The following SMYD3 variants were observed in gnomAD, a reference collection of about 807,000 sequenced individuals.
SMYD3 encodes SET and MYND domain containing 3, also known as histone-lysine N-methyltransferase SMYD3.
SMYD3 carries 36 observed loss-of-function variants against 57.7 expected under a neutral mutation model. That is an observed-to-expected ratio of 0.62 (90% CI 0.48 to 0.82). The LOEUF (loss-of-function observed/expected upper bound fraction) is 0.82, where lower values mean the gene tolerates loss of function less well. SMYD3 is among the 40% of genes least tolerant of loss of function. The pLI, the probability that SMYD3 is intolerant of heterozygous loss-of-function variation, is 0.00. For missense variants in SMYD3, 515 were observed against 538.8 expected (o/e 0.96, Z 0.44); for synonymous variants, 211 against 195.0 (o/e 1.08, Z -0.68).
intron 10 of SMYD3, among the ~76,000 whole-genome samples, chr1:245,853,348 TAAC>T (rs2051072046): frequency 6.6e-6 from 1 of 152,182 alleles, no homozygotes; most frequent in Non-Finnish European, 1.5e-5. Context: ...GAGAGCAAGC[TAAC>T]AACATCTGAG....
At chr1:246,285,011 G>C (rs1014541784) in intron 5 of SMYD3, among the ~76,000 whole-genome samples, 4 of 149,732 alleles carry the variant, frequency 2.7e-5, no homozygotes, top group Non-Finnish European at 5.9e-5. Context: ...GTGGTATTTG[G>C]TTACATGAGT....
intron 1 of SMYD3, among the ~76,000 whole-genome samples, chr1:246,476,472 T>G (rs569583021): frequency 6.6e-6 from 1 of 152,314 alleles, no homozygotes; most frequent in East Asian, 1.9e-4. Context: ...TCCAAAATCA[T>G]TTAGTTACAC....
intron 5 of SMYD3, among the ~76,000 whole-genome samples, chr1:246,074,035 C>G (rs540628095): frequency 6.6e-6 from 1 of 152,292 alleles, no homozygotes; most frequent in Admixed American, 6.5e-5. Flanking sequence ...AACTTGCAAA[C>G]TTTCTTAAAA....
intron 5 of SMYD3, among the ~76,000 whole-genome samples, chr1:246,143,024 C>T (rs1441172450): frequency 1.3e-5 from 2 of 152,054 alleles, no homozygotes; most frequent in African/African-American, 4.8e-5. Context: ...AAATAATTGC[C>T]ACCACAATGG....
At chr1:246,246,103 A>C (rs192002521) in intron 5 of SMYD3, among the ~76,000 whole-genome samples, 3 of 152,334 alleles carry the variant, frequency 2.0e-5, no homozygotes, top group African/African-American at 7.2e-5. Flanking sequence ...TTGTTCTAAT[A>C]AACTGAGACA....
chr1:246,059,000 G>A (rs868470427), intron 5 of SMYD3, among the ~76,000 whole-genome samples: 106 of 151,546 alleles, frequency 7.0e-4, no homozygotes, highest in African/African-American at 1.9e-3. Flanking sequence ...TCAGCCTCCC[G>A]AGTAGCTGGA....
At chr1:245,854,251 G>A (rs1310719134) in intron 10 of SMYD3, among the ~76,000 whole-genome samples, 1 of 152,090 alleles carries the variant, frequency 6.6e-6, no homozygotes, top group African/African-American at 2.4e-5. Flanking sequence ...AGTGTGTGTG[G>A]TGGGGGAGGT....
At chr1:245,832,878 G>C (rs573419940) in intron 10 of SMYD3, among the ~76,000 whole-genome samples, 42 of 152,028 alleles carry the variant, frequency 2.8e-4, no homozygotes, top group African/African-American at 9.9e-4. Context: ...TATTGACTTT[G>C]CTAAGTGTCA....
chr1:245,950,876 C>G (rs2057609384), intron 5 of SMYD3, among the ~76,000 whole-genome samples: 1 of 152,194 alleles, frequency 6.6e-6, no homozygotes. Flanking sequence ...TCACACCGCT[C>G]TCTCTAAATA....
chr1:246,040,493 A>G (rs28575720), intron 5 of SMYD3, among the ~76,000 whole-genome samples: 25,541 of 152,158 alleles, frequency 0.17, 2,657 homozygotes, highest in East Asian at 0.39. Context: ...CCGTCTGAGC[A>G]CTGCTTTCTC....
At chr1:246,117,851 AAT>A (rs1272883252) in intron 5 of SMYD3, among the ~76,000 whole-genome samples, 2 of 152,188 alleles carry the variant, frequency 1.3e-5, no homozygotes, top group Non-Finnish European at 2.9e-5. Flanking sequence ...AAAACAGTAG[AAT>A]AACATTATTT....
chr1:245,844,335 A>G (rs909325918), intron 10 of SMYD3, among the ~76,000 whole-genome samples: 4 of 152,098 alleles, frequency 2.6e-5, no homozygotes, highest in South Asian at 2.1e-4. Flanking sequence ...TGTTGATACT[A>G]TACTTAAAAT....
At chr1:245,904,089 T>C (rs772016265) in intron 8 of SMYD3, among the ~76,000 whole-genome samples, 42 of 152,192 alleles carry the variant, frequency 2.8e-4, no homozygotes, top group Non-Finnish European at 5.4e-4. Context: ...CACATCCAGG[T>C]CATGTGGGGA....
chr1:246,373,799 T>C (rs754031161), intron 1 of SMYD3, among the ~76,000 whole-genome samples: 1 of 152,220 alleles, frequency 6.6e-6, no homozygotes, highest in African/African-American at 2.4e-5. Flanking sequence ...TTCTTTTATA[T>C]TAACTTTTAT....
chr1:245,810,949 T>C (rs1414985595), intron 10 of SMYD3, among the ~76,000 whole-genome samples: 1 of 152,218 alleles, frequency 6.6e-6, no homozygotes, highest in African/African-American at 2.4e-5. Flanking sequence ...GGTTATCACA[T>C]ACTCTGGACA....
intron 5 of SMYD3, among the ~76,000 whole-genome samples, chr1:246,259,754 A>C (rs1463296749): frequency 6.6e-6 from 1 of 152,202 alleles, no homozygotes; most frequent in Non-Finnish European, 1.5e-5. Flanking sequence ...GGTCAGGTCC[A>C]CCTAAAGGTC....
At chr1:245,892,837 A>G (rs753707077) in intron 8 of SMYD3, among the ~76,000 whole-genome samples, 3 of 152,226 alleles carry the variant, frequency 2.0e-5, no homozygotes, top group Non-Finnish European at 2.9e-5. Flanking sequence ...ATTTTCAGCT[A>G]TGGCTTCAAA....
At chr1:246,387,336 CTTTGT>C (rs2066501496) in intron 1 of SMYD3, among the ~76,000 whole-genome samples, 2 of 152,158 alleles carry the variant, frequency 1.3e-5, no homozygotes, top group Admixed American at 1.3e-4. Context: ...ACACTGTTAA[CTTTGT>C]TTTAAGGAGT....
intron 8 of SMYD3, among the ~76,000 whole-genome samples, chr1:245,882,636 C>T (rs921728422): frequency 1.3e-5 from 2 of 151,900 alleles, no homozygotes; most frequent in African/African-American, 4.8e-5. Flanking sequence ...CCCTTGGGTC[C>T]CAGTTCTTAT....
Sources: gnomAD v4.1 joint callset for allele counts (sites outside exome capture counted in the v4.1 genomes callset) on GRCh38, gnomAD v4.1.1 for gene constraint, MANE v1.5 for transcripts, NCBI Gene and HGNC (gene_info 2026-07-23, HGNC 2026-07-21) for gene names.